Variants in KCTD16 observed in about 807,000 individuals in gnomAD.
KCTD16 encodes BTB/POZ domain-containing protein KCTD16.
In KCTD16, 13 loss-of-function variants were observed where a neutral mutation model predicts 33.2. The ratio of observed to expected loss-of-function variants is 0.39; its 90% CI spans 0.25 to 0.62. The LOEUF (loss-of-function observed/expected upper bound fraction) is 0.62. KCTD16 is among the 20% of genes least tolerant of loss of function. The probability of loss-of-function intolerance (pLI) is 0.50; values close to 1 mark genes in which losing one functional copy is unlikely to be tolerated. For synonymous variants in KCTD16, 197 were observed against 195.3 expected, an observed-to-expected ratio of 1.01 and a Z score of -0.07; for missense variants, 441 against 525.1, an observed-to-expected ratio of 0.84 and a Z score of 1.57.
intron 3 of KCTD16, among the ~76,000 whole-genome samples, chr5:144,335,050 G>A (rs1752451410): frequency 6.6e-6 from 1 of 151,952 alleles, no homozygotes; most frequent in South Asian, 2.1e-4. Context: ...AAAGTTCTGG[G>A]ATTACAGAAA....
intron 3 of KCTD16, among the ~76,000 whole-genome samples, chr5:144,355,648 TTTTTC>T (rs1751553607): frequency 6.6e-6 from 1 of 152,192 alleles, no homozygotes; most frequent in South Asian, 2.1e-4. Flanking sequence ...TTATCATTTC[TTTTTC>T]TTTTCTTTTT....
At chr5:144,467,636 G>GA (rs1754377542) in intron 3 of KCTD16, among the ~76,000 whole-genome samples, 1 of 152,202 alleles carries the variant, frequency 6.6e-6, no homozygotes, top group South Asian at 2.1e-4. Context: ...CTGGCAAAGG[G>GA]AAGATCACAC....
intron 3 of KCTD16, among the ~76,000 whole-genome samples, chr5:144,452,640 G>A (rs572991268): frequency 7.9e-5 from 12 of 152,058 alleles, no homozygotes; most frequent in South Asian, 2.1e-4. Context: ...GGATTATTTT[G>A]GGATATCCAT....
Position 144,392,111 on chromosome 5 carries a change from T to A in KCTD16, c.833-81549T>A, listed in dbSNP as rs368037878. ...TAAATGTATGTTATAATAGTTGCCATGAAGGAAACAAACGGTGTGGGAGAG... is the reference window on the plus strand; with the variant it reads ...TAAATGTATGTTATAATAGTTGCCAAGAAGGAAACAAACGGTGTGGGAGAG... On this transcript the variant is annotated intron_variant, in intron 3 of 3. Coordinates refer to ENST00000512467, the MANE Select transcript of KCTD16 (RefSeq NM_020768.4). Among the ~76,000 whole-genome samples the A allele has an allele frequency of 2.6e-5, 4 of 152,318 alleles. No homozygotes were observed. The East Asian group carries it at 5.8e-4, about 22-fold the overall frequency.
intron 2 of KCTD16, among the ~76,000 whole-genome samples, chr5:144,183,866 G>A (rs1432371701): frequency 6.6e-6 from 1 of 152,134 alleles, no homozygotes; most frequent in East Asian, 1.9e-4. Context: ...ATACTATGTA[G>A]TATGTTTTAT....
intron 3 of KCTD16, among the ~76,000 whole-genome samples, chr5:144,444,981 T>C (rs965440304): frequency 3.3e-5 from 5 of 150,024 alleles, no homozygotes; most frequent in African/African-American, 1.2e-4. Flanking sequence ...ACATATATTA[T>C]ATATGATATG....
chr5:144,366,921 T>C lies in KCTD16; in HGVS notation c.833-106739T>C, dbSNP rs149205779. Among the ~76,000 whole-genome samples the C allele has an allele frequency of 3.9e-4, 60 of 152,282 alleles. No individual in the cohort carries two copies. In the East Asian group the frequency reaches 4.5e-3, roughly 11 times the overall value. On this transcript the variant is annotated intron_variant, in intron 3 of 3. Transcript: ENST00000512467. The stretch of plus-strand genomic sequence containing the variant: ...GTGGATCCTTTTAGCCCTGGCCATA[T>C]TGAGCAGAAATCTGAGAAAACCACT...
At chr5:144,195,524 C>T (rs1422933163) in intron 2 of KCTD16, among the ~76,000 whole-genome samples, 1 of 152,146 alleles carries the variant, frequency 6.6e-6, no homozygotes, top group Admixed American at 6.5e-5. Context: ...ACACAAGGAA[C>T]CACAGAAAGA....
At chr5:144,405,832 C>G (rs1752798941) in intron 3 of KCTD16, among the ~76,000 whole-genome samples, 1 of 152,150 alleles carries the variant, frequency 6.6e-6, no homozygotes, top group Admixed American at 6.6e-5. Context: ...AGACCCAAGA[C>G]AGTAGGGCTC....
At chr5:144,172,703 T>G (rs1425670714) in intron 1 of KCTD16, among the ~76,000 whole-genome samples, 1 of 152,242 alleles carries the variant, frequency 6.6e-6, no homozygotes, top group African/African-American at 2.4e-5. Flanking sequence ...CTCAGCATAA[T>G]TATTAATGTT....
intron 2 of KCTD16, among the ~76,000 whole-genome samples, chr5:144,193,178 C>T (rs1479279955): frequency 6.6e-6 from 1 of 152,182 alleles, no homozygotes; most frequent in Non-Finnish European, 1.5e-5. Flanking sequence ...AATCTGTTAT[C>T]CCCATATCAG....
intron 3 of KCTD16, among the ~76,000 whole-genome samples, chr5:144,333,989 TA>T (rs1752419890): frequency 6.6e-6 from 1 of 152,178 alleles, no homozygotes; most frequent in Non-Finnish European, 1.5e-5. Flanking sequence ...GCTCTTGACT[TA>T]AAGTTTCCCA....
intron 3 of KCTD16, among the ~76,000 whole-genome samples, chr5:144,461,086 A>G (rs1754183730): frequency 6.6e-6 from 1 of 152,338 alleles, no homozygotes. Context: ...CAAGAATAGA[A>G]TTAAATTTCT....
chr5:144,433,670 C>G (rs1012810009), intron 3 of KCTD16, among the ~76,000 whole-genome samples: 17 of 152,148 alleles, frequency 1.1e-4, no homozygotes, highest in Non-Finnish European at 1.5e-5. Flanking sequence ...TCACTGGCTT[C>G]CCAAGTAGAC....
chr5:144,365,391 G>A (rs1483762290), intron 3 of KCTD16, among the ~76,000 whole-genome samples: 2 of 151,942 alleles, frequency 1.3e-5, no homozygotes, highest in Non-Finnish European at 2.9e-5. Context: ...CTTCTAATTA[G>A]ATCAATAGGG....
In KCTD16 at chr5:144,484,855, G is replaced by A. The variant is rs1439865077; in HGVS notation, c.*10741G>A. The A allele has an allele frequency of 6.6e-6, 1 of 151,932 alleles. No individual in the cohort carries two copies. Among genetic ancestry groups the A allele is most frequent in the African/African-American group, 2.4e-5 (1 of 41,412 alleles). The allele number at this position is 151,932 out of a possible 1,614,324, so 9.4% of individuals were successfully genotyped here. A position where few individuals can be genotyped will look rare whatever the true frequency, so the allele number is the denominator to read the frequency against. On this transcript the variant is annotated 3_prime_UTR_variant, in exon 4 of 4. Transcript: ENST00000512467. ...CAGTTCGCTTGTACATAAATGTAAC[G>A]TCATATTGTTTACAGGTTATTTTTG... is the stretch of plus-strand genomic sequence containing the variant.
At chr5:144,202,345 C>A (rs1753061918) in intron 2 of KCTD16, among the ~76,000 whole-genome samples, 1 of 152,242 alleles carries the variant, frequency 6.6e-6, no homozygotes, top group African/African-American at 2.4e-5. Context: ...GGCTTACCGA[C>A]AACTTCCCTG....
In KCTD16 at chr5:144,240,450, G is replaced by T. The variant is rs895442965; in HGVS notation, c.832+32904G>T. 2.0e-5 allele frequency among the ~76,000 whole-genome samples: 3 copies of T among 151,946 alleles called. No homozygotes were observed. The East Asian group carries it at 5.8e-4, about 29-fold the overall frequency. ...GTCTAACAGAAGAGTTGAAAAAATA[G>T]TACAGAGTCCCTGTATTACCCTTCA... On this transcript the variant is annotated intron_variant, in intron 3 of 3. Coordinates refer to ENST00000512467, the MANE Select transcript of KCTD16 (RefSeq NM_020768.4).
chr5:144,305,226 C>G (rs373758567), intron 3 of KCTD16, among the ~76,000 whole-genome samples: 1 of 152,022 alleles, frequency 6.6e-6, no homozygotes, highest in African/African-American at 2.4e-5. Context: ...TGAACTGTTT[C>G]TTGGAGTAGG....
Sources: allele counts gnomAD v4.1 joint callset (sites outside exome capture counted in the v4.1 genomes callset), GRCh38; gene constraint gnomAD v4.1.1; transcripts MANE v1.5; gene names NCBI Gene and HGNC (gene_info 2026-07-23, HGNC 2026-07-21).